Variants in ARHGEF26 observed in about 807,000 individuals in gnomAD.
ARHGEF26 encodes the protein Rho guanine nucleotide exchange factor 26.
ARHGEF26 carries 59 observed loss-of-function variants against 89.4 expected under a neutral mutation model. The ratio of observed to expected loss-of-function variants is 0.66; its 90% CI spans 0.54 to 0.82. The LOEUF is 0.82. Ranked by LOEUF, ARHGEF26 falls within the 40% of genes least tolerant of loss-of-function variation. The pLI, the probability that ARHGEF26 is intolerant of heterozygous loss-of-function variation, is 0.00. For missense variants in ARHGEF26, 1,234 were observed against 1,085.6 expected, an observed-to-expected ratio of 1.14 and a Z score of -1.92; for synonymous variants, 500 against 428.4, an observed-to-expected ratio of 1.17 and a Z score of -2.06.
At chr3:154,196,649 T>C (rs1184195530) in intron 9 of ARHGEF26, among the ~76,000 whole-genome samples, 1 of 152,184 alleles carries the variant, frequency 6.6e-6, no homozygotes, top group Non-Finnish European at 1.5e-5. Context: ...ATCCCATCAG[T>C]GGTCTGCACA....
chr3:154,136,870 A>G (rs752050603), intron 4 of ARHGEF26, among the ~76,000 whole-genome samples: 8 of 152,158 alleles, frequency 5.3e-5, no homozygotes, highest in Admixed American at 2.0e-4. Flanking sequence ...ACCTTTTACC[A>G]TATCTTTTTT....
intron 6 of ARHGEF26, among the ~76,000 whole-genome samples, chr3:154,166,351 G>A (rs527763178): frequency 1.3e-5 from 2 of 152,250 alleles, no homozygotes; most frequent in African/African-American, 4.8e-5. Context: ...TGCCCAGCCA[G>A]TATTTATTTT....
intron 4 of ARHGEF26, among the ~76,000 whole-genome samples, chr3:154,135,273 A>G (rs1426706291): frequency 6.6e-6 from 1 of 152,080 alleles, no homozygotes; most frequent in Non-Finnish European, 1.5e-5. Flanking sequence ...TGGTCTCTTC[A>G]GGGATTTGAT....
chr3:154,247,384 A>G (rs1717863598), intron 12 of ARHGEF26, among the ~76,000 whole-genome samples: 1 of 152,114 alleles, frequency 6.6e-6, no homozygotes, highest in Non-Finnish European at 1.5e-5. Context: ...CTTCCTGTGT[A>G]AAAGTCTATT....
At chr3:154,125,280 G>A (rs1347486799) in intron 3 of ARHGEF26, among the ~76,000 whole-genome samples, 2 of 152,198 alleles carry the variant, frequency 1.3e-5, no homozygotes, top group African/African-American at 4.8e-5. Flanking sequence ...TGATTGTCAA[G>A]TAATTCCCTA....
intron 12 of ARHGEF26, 96 bp downstream of exon 12, chr3:154,240,675 T>C: frequency 8.6e-7 from 1 of 1,165,634 alleles, no homozygotes; most frequent in Non-Finnish European, 1.2e-6. Flanking sequence ...GCAGCTACTA[T>C]TCATGTTTTT....
intron 6 of ARHGEF26, among the ~76,000 whole-genome samples, chr3:154,155,921 G>A (rs1248336533): frequency 1.3e-5 from 2 of 151,858 alleles, no homozygotes; most frequent in Non-Finnish European, 2.9e-5. Flanking sequence ...TGCTTTAAAG[G>A]AATATTTAAT....
intron 6 of ARHGEF26, among the ~76,000 whole-genome samples, chr3:154,154,886 G>T (rs918062167): frequency 6.6e-6 from 1 of 151,774 alleles, no homozygotes; most frequent in African/African-American, 2.4e-5. Context: ...TTTTCTTTGT[G>T]CTTACACCCT....
At chr3:154,239,146 C>T (rs1257361438) in intron 11 of ARHGEF26, among the ~76,000 whole-genome samples, 5 of 151,580 alleles carry the variant, frequency 3.3e-5, no homozygotes, top group East Asian at 1.9e-4. Flanking sequence ...ACAAGATCAT[C>T]GGAGGAGAGT....
intron 6 of ARHGEF26, among the ~76,000 whole-genome samples, chr3:154,171,585 C>T (rs1712441881): frequency 6.6e-6 from 1 of 152,118 alleles, no homozygotes; most frequent in Non-Finnish European, 1.5e-5. Context: ...TATAGTTTTG[C>T]CTTTTCTAAT....
intron 9 of ARHGEF26, among the ~76,000 whole-genome samples, chr3:154,215,623 G>A (rs532637985): frequency 1.3e-5 from 2 of 152,154 alleles, no homozygotes; most frequent in African/African-American, 4.8e-5. Flanking sequence ...TGGAGGCTGG[G>A]CAGTCCAAGA....
At chr3:154,240,884 TATG>T (rs1717447223) in intron 12 of ARHGEF26, among the ~76,000 whole-genome samples, 1 of 152,172 alleles carries the variant, frequency 6.6e-6, no homozygotes, top group Non-Finnish European at 1.5e-5. Flanking sequence ...TTGACAAAAA[TATG>T]ATACACTATC....
At chr3:154,165,786 G>A (rs1363479779) in intron 6 of ARHGEF26, among the ~76,000 whole-genome samples, 2 of 152,098 alleles carry the variant, frequency 1.3e-5, no homozygotes, top group Non-Finnish European at 2.9e-5. Context: ...AGGGCCCTAA[G>A]GTTTCACTTG....
intron 4 of ARHGEF26, among the ~76,000 whole-genome samples, chr3:154,133,301 G>T (rs575725605): frequency 2.4e-4 from 36 of 152,196 alleles, no homozygotes; most frequent in Middle Eastern, 3.4e-3. Flanking sequence ...TTATGGTGTT[G>T]GGACAGGTTT....
At chr3:154,153,059 T>C in intron 6 of ARHGEF26, 127 bp downstream of exon 6, 1 of 854,654 alleles carries the variant, frequency 1.2e-6, no homozygotes, top group Non-Finnish European at 1.7e-6. Flanking sequence ...CTTGATTCCT[T>C]GAAATACATT....
chr3:154,233,460 A>G (rs1716932777), intron 11 of ARHGEF26, among the ~76,000 whole-genome samples: 1 of 152,222 alleles, frequency 6.6e-6, no homozygotes, highest in African/African-American at 2.4e-5. Context: ...TGAAATCTAC[A>G]GAACACTTTT....
At position 154,133,358 on chromosome 3, in the gene ARHGEF26, T is replaced by A. The variant is rs192012598; in HGVS notation, c.1269+3639T>A. On this transcript the variant is annotated intron_variant, in intron 4 of 14. Transcript: ENST00000465093. Reference sequence around the variant, plus strand: ...GAATAAAGGAGAATTAGAAGAGGCATTTATTTAGTTGGGCCTCAGTAGAAT... The same window carrying A: ...GAATAAAGGAGAATTAGAAGAGGCAATTATTTAGTTGGGCCTCAGTAGAAT... Among the ~76,000 whole-genome samples, 305 of 152,248 alleles carry A rather than the reference T, an allele frequency of 2.0e-3. 3 individuals carry two copies. The highest frequency in any genetic ancestry group is 6.4e-3 in the African/African-American group (268 of 41,562).
At position 154,254,824 on chromosome 3, in the gene ARHGEF26, G is replaced by T. The variant is rs759151684; in HGVS notation, c.2473G>T (p.Gly825Cys). The change falls in exon 14 of 15, where the codon GGC (glycine) becomes TGC (cysteine). Residue 825 changes from glycine (G) to cysteine (C), a missense_variant and splice_region_variant. Transcript: ENST00000465093. ...VVLIYQRVSD[G>C]WYEGERLRDG... is the part of the protein sequence containing the mutation. ...CCTCATCTATCAACGTGTCAGCGAT[G>T]GTGAGTGGGAGCGTTCTTATGGGAC... is the stretch of plus-strand genomic sequence containing the variant. 6.2e-7 allele frequency: 1 copy of T among 1,613,162 alleles called. No homozygotes were observed. Among genetic ancestry groups the T allele is most frequent in the Non-Finnish European group, 8.5e-7 (1 of 1,179,598 alleles).
chr3:154,228,225 C>T (rs1179275862), intron 11 of ARHGEF26, among the ~76,000 whole-genome samples: 1 of 151,288 alleles, frequency 6.6e-6, no homozygotes, highest in East Asian at 1.9e-4. Context: ...GCAACCTCTG[C>T]CTCCCAGGTT....
Sources: allele counts gnomAD v4.1 joint callset (sites outside exome capture counted in the v4.1 genomes callset), GRCh38; gene constraint gnomAD v4.1.1; transcripts MANE v1.5; gene names NCBI Gene and HGNC (gene_info 2026-07-23, HGNC 2026-07-21).